Variants in MTHFS observed in about 807,000 individuals in gnomAD.
MTHFS encodes the protein 5-formyltetrahydrofolate cyclo-ligase.
A neutral mutation model predicts 12.7 loss-of-function variants in MTHFS; 7 were observed. That is an observed-to-expected ratio of 0.55 (90% CI 0.31 to 1.03). MTHFS has a LOEUF of 1.03. Among genes scored for constraint, MTHFS ranks in the 50% least tolerant of loss-of-function variants. MTHFS has a pLI of 0.05. For synonymous variants in MTHFS, 100 were observed against 97.1 expected, an observed-to-expected ratio of 1.03 and a Z score of -0.18; for missense variants, 252 against 258.1, an observed-to-expected ratio of 0.98 and a Z score of 0.16.
chr15:79,870,493 T>A (rs149898663), intron 2 of MTHFS, among the ~76,000 whole-genome samples: 256 of 152,320 alleles, frequency 1.7e-3, no homozygotes, highest in African/African-American at 4.3e-3. Context: ...CCTAGAATTC[T>A]ATCCTATTCA....
chr15:79,861,638 G>A (rs2033915532), intron 2 of MTHFS, among the ~76,000 whole-genome samples: 1 of 152,170 alleles, frequency 6.6e-6, no homozygotes. Flanking sequence ...ATATCTATCA[G>A]GATGTTCTTT....
intron 2 of MTHFS, among the ~76,000 whole-genome samples, chr15:79,852,415 C>T (rs549320060): frequency 6.6e-6 from 1 of 152,284 alleles, no homozygotes; most frequent in East Asian, 1.9e-4. Context: ...CTATAACATA[C>T]TTAAGGAGGA....
intron 2 of MTHFS, among the ~76,000 whole-genome samples, chr15:79,859,680 T>C (rs2033874940): frequency 6.6e-6 from 1 of 151,968 alleles, no homozygotes; most frequent in Non-Finnish European, 1.5e-5. Context: ...TAGCCAGGCA[T>C]AATGGCGGGA....
intron 2 of MTHFS, among the ~76,000 whole-genome samples, chr15:79,863,838 T>C (rs759134046): frequency 1.3e-5 from 2 of 152,156 alleles, no homozygotes; most frequent in Admixed American, 1.3e-4. Context: ...TAAATACAAC[T>C]CCCAGACTTC....
chr15:79,892,653 T>C (rs936315451), intron 1 of MTHFS, among the ~76,000 whole-genome samples: 3 of 152,140 alleles, frequency 2.0e-5, no homozygotes, highest in African/African-American at 7.2e-5. Flanking sequence ...ATGAATACCA[T>C]CTACAGAACA....
At chr15:79,883,135 T>TA (rs1448823306) in intron 2 of MTHFS, among the ~76,000 whole-genome samples, 1 of 152,146 alleles carries the variant, frequency 6.6e-6, no homozygotes, top group African/African-American at 2.4e-5. Flanking sequence ...GCCCAGAAGT[T>TA]CAAGGTTACA....
chr15:79,867,105 C>A (rs900808493), intron 2 of MTHFS, among the ~76,000 whole-genome samples: 1 of 152,234 alleles, frequency 6.6e-6, no homozygotes, highest in African/African-American at 2.4e-5. Context: ...TAACTCACCA[C>A]TCCTATGAAC....
rs2141376884 is a variant in MTHFS at position 79,889,270 on chromosome 15, T to C, written c.202A>G (p.Ile68Val). Residue 68 changes from isoleucine to valine, a missense_variant, in exon 2 of 3, where the codon ATC becomes GTC. Ile to Val is a conservative substitution (Grantham distance 29). Transcript: ENST00000258874. The part of the protein sequence containing the change: ...MQDEIETEEI[I>V]KDIFQRGKIC... ...TTGCCTCGTTGGAAAATGTCCTTGA[T>C]GATCTCTTCTGTCTCAATTTCATCT... 1.2e-6 allele frequency: 2 copies of C among 1,614,220 alleles called. No individual in the cohort carries two copies. The highest frequency in any genetic ancestry group is 2.2e-5 in the East Asian group (1 of 44,890).
At chr15:79,860,721 T>G (rs972861138) in intron 2 of MTHFS, among the ~76,000 whole-genome samples, 2 of 152,172 alleles carry the variant, frequency 1.3e-5, no homozygotes, top group Admixed American at 6.5e-5. Context: ...GAAATACTGA[T>G]AAGACAAAAT....
At chr15:79,861,418 G>C (rs916757842) in intron 2 of MTHFS, among the ~76,000 whole-genome samples, 1 of 152,096 alleles carries the variant, frequency 6.6e-6, no homozygotes, top group Non-Finnish European at 1.5e-5. Context: ...CACACAACTG[G>C]TAGTCATTAA....
intron 1 of MTHFS, among the ~76,000 whole-genome samples, chr15:79,896,585 T>C (rs996153689): frequency 1.3e-5 from 2 of 152,168 alleles, no homozygotes; most frequent in African/African-American, 4.8e-5. Context: ...GAGCCACCCA[T>C]GCAAACAAAC....
chr15:79,869,505 G>A (rs959204160), intron 2 of MTHFS, among the ~76,000 whole-genome samples: 8 of 152,140 alleles, frequency 5.3e-5, no homozygotes, highest in African/African-American at 1.9e-4. Context: ...TGCAAGCATA[G>A]CTCTCTGCAA....
chr15:79,896,907 C>G lies in MTHFS; in HGVS notation c.82G>C (p.Glu28Gln), dbSNP rs1288932630. The change falls in exon 1 of 3, where the codon GAG becomes CAG. Residue 28 changes from glutamate (E) to glutamine (Q), a missense_variant. Coordinates refer to ENST00000258874, the MANE Select transcript of MTHFS (RefSeq NM_006441.4). Reference protein sequence around the residue: ...KQRLRAMSAEERLRQSRVLSQ... With the variant: ...KQRLRAMSAEQRLRQSRVLSQ... ...AGTACGCGGGACTGGCGTAGCCGCT[C>G]CTCGGCACTCATCGCCCGCAGACGC... 8.4e-6 allele frequency: 13 copies of G among 1,542,652 alleles called. No individual in the cohort carries two copies. The highest frequency in any genetic ancestry group is 1.4e-5 in the African/African-American group (1 of 72,836).
intron 2 of MTHFS, among the ~76,000 whole-genome samples, chr15:79,851,579 G>C (rs2033717255): frequency 6.6e-6 from 1 of 152,144 alleles, no homozygotes; most frequent in African/African-American, 2.4e-5. Context: ...GCCATATCCT[G>C]GAAAGAGAAG....
chr15:79,866,117 G>T lies in MTHFS; in HGVS notation c.380-20675C>A, dbSNP rs8038699. ...TTTTTTTGGTCTCTGTGACAGCGAT[G>T]GTGGCATTCGAGAGGCTAATGGCTA... is the stretch of plus-strand genomic sequence containing the variant. On this transcript the variant is annotated intron_variant, in intron 2 of 2. Coordinates refer to ENST00000258874, the MANE Select transcript of MTHFS (RefSeq NM_006441.4). 6.5e-3 allele frequency among the ~76,000 whole-genome samples: 979 copies of T among 151,774 alleles called. 12 individuals are homozygous for T. Among genetic ancestry groups the T allele is most frequent in the African/African-American group, 0.022 (927 of 41,356 alleles).
intron 2 of MTHFS, among the ~76,000 whole-genome samples, chr15:79,873,025 C>T (rs898022796): frequency 2.0e-5 from 3 of 152,170 alleles, no homozygotes; most frequent in South Asian, 2.1e-4. Context: ...CAGTCAACAC[C>T]ACAGGGCACT....
At chr15:79,891,648 A>G (rs2034473941) in intron 1 of MTHFS, among the ~76,000 whole-genome samples, 1 of 152,226 alleles carries the variant, frequency 6.6e-6, no homozygotes. Context: ...CTGATTAACA[A>G]GAGTTCCAAA....
chr15:79,896,078 C>A (rs2034562524), intron 1 of MTHFS, among the ~76,000 whole-genome samples: 1 of 152,220 alleles, frequency 6.6e-6, no homozygotes, highest in Non-Finnish European at 1.5e-5. Context: ...AAATACATAG[C>A]AGTGCAGTTG....
chr15:79,896,999 A>G lies in MTHFS; in HGVS notation c.-11T>C, dbSNP rs1326986259. ...CGCTGCCGCCGCCATCTCACGCCCA[A>G]GCCGAGTCCAGTCCCGCCCTCGGCG... On this transcript the variant is annotated 5_prime_UTR_variant, in exon 1 of 3. Transcript: ENST00000258874. The G allele has an allele frequency of 2.0e-6, 3 of 1,524,174 alleles. No homozygotes were observed. The highest frequency in any genetic ancestry group is 1.4e-5 in the African/African-American group (1 of 71,198). The allele number at this position is 1,524,174 out of a possible 1,614,324, so 94.4% of individuals were successfully genotyped here. A position where few individuals can be genotyped will look rare whatever the true frequency, so the allele number is the denominator to read the frequency against.
Sources: gnomAD v4.1 joint callset for allele counts (sites outside exome capture counted in the v4.1 genomes callset) on GRCh38, gnomAD v4.1.1 for gene constraint, MANE v1.5 for transcripts, NCBI Gene and HGNC (gene_info 2026-07-23, HGNC 2026-07-21) for gene names.